Variants in ADAMTS12 observed in about 807,000 individuals in gnomAD.
The protein encoded by ADAMTS12 is ADAM metallopeptidase with thrombospondin type 1 motif 12, also known as A disintegrin and metalloproteinase with thrombospondin motifs 12.
A neutral mutation model predicts 167.8 loss-of-function variants in ADAMTS12; 118 were observed. The ratio of observed to expected loss-of-function variants is 0.70; its 90% CI spans 0.61 to 0.82. ADAMTS12 has a LOEUF of 0.82. Among genes scored for constraint, ADAMTS12 ranks in the 40% least tolerant of loss-of-function variants. The pLI is 0.00. For missense variants in ADAMTS12, 1,916 were observed against 1,998.8 expected (o/e 0.96, Z 0.79); for synonymous variants, 704 against 716.9 (o/e 0.98, Z 0.29).
chr5:33,559,716 A>G (rs1745646523), intron 20 of ADAMTS12, among the ~76,000 whole-genome samples: 1 of 152,134 alleles, frequency 6.6e-6, no homozygotes, highest in African/African-American at 2.4e-5. Flanking sequence ...CCCCATCTCT[A>G]CTAAAAATAC....
chr5:33,682,972 G>T, intron 5 of ADAMTS12, 46 bp downstream of exon 5: 1 of 1,514,268 alleles, frequency 6.6e-7, no homozygotes, highest in South Asian at 1.2e-5. Context: ...AAGAAGGTAG[G>T]AAGTGCGAGG....
At chr5:33,666,939 C>T (rs1400823233) in intron 5 of ADAMTS12, among the ~76,000 whole-genome samples, 1 of 152,196 alleles carries the variant, frequency 6.6e-6, no homozygotes, top group East Asian at 1.9e-4. Context: ...CACGTTATGG[C>T]TTATCAATCA....
At chr5:33,889,804 T>C (rs1376427383) in intron 1 of ADAMTS12, among the ~76,000 whole-genome samples, 1 of 151,936 alleles carries the variant, frequency 6.6e-6, no homozygotes, top group African/African-American at 2.4e-5. Context: ...ATACAAAAAT[T>C]AGCCGGGCAT....
At chr5:33,636,724 C>A (rs1579782816) in intron 12 of ADAMTS12, among the ~76,000 whole-genome samples, 1 of 152,268 alleles carries the variant, frequency 6.6e-6, no homozygotes, top group East Asian at 1.9e-4. Flanking sequence ...TTTTTACTAC[C>A]TTGCCTTAAA....
chr5:33,855,079 T>C (rs1749352037), intron 2 of ADAMTS12, among the ~76,000 whole-genome samples: 1 of 152,186 alleles, frequency 6.6e-6, no homozygotes, highest in African/African-American at 2.4e-5. Flanking sequence ...GTAGATTTCA[T>C]TCCTCAGCTA....
chr5:33,628,731 C>T (rs4866350), intron 13 of ADAMTS12, among the ~76,000 whole-genome samples: 22,716 of 151,880 alleles, frequency 0.15, 2,096 homozygotes, highest in East Asian at 0.36. Flanking sequence ...AAATAAGGAG[C>T]CTGGAATTAC....
At position 33,698,992 on chromosome 5, in the gene ADAMTS12, A is replaced by T. The variant is rs374601123; in HGVS notation, c.635-14937T>A. On this transcript the variant is annotated intron_variant, in intron 3 of 23. Transcript: ENST00000504830. ...GCCAACATGGTGAAACCCCGTCTCAACTAAAACTACAAAAATTAGCCAGGT... is the reference window on the plus strand; with the variant it reads ...GCCAACATGGTGAAACCCCGTCTCATCTAAAACTACAAAAATTAGCCAGGT... Among the ~76,000 whole-genome samples, 4 of 152,294 alleles carry T rather than the reference A, an allele frequency of 2.6e-5. No individual in the cohort carries two copies. The East Asian group carries it at 7.7e-4, about 29-fold the overall frequency.
intron 22 of ADAMTS12, among the ~76,000 whole-genome samples, chr5:33,536,846 C>T (rs1744438952): frequency 6.6e-6 from 1 of 152,190 alleles, no homozygotes; most frequent in Non-Finnish European, 1.5e-5. Flanking sequence ...GGGCCCAATT[C>T]TTACAGCATT....
At chr5:33,784,768 T>C (rs552081620) in intron 2 of ADAMTS12, among the ~76,000 whole-genome samples, 2 of 152,186 alleles carry the variant, frequency 1.3e-5, no homozygotes, top group East Asian at 3.9e-4. Flanking sequence ...CAAATTGATC[T>C]ATATATTCTA....
chr5:33,535,531 A>G (rs1744354367), intron 22 of ADAMTS12, among the ~76,000 whole-genome samples: 1 of 152,170 alleles, frequency 6.6e-6, no homozygotes, highest in Non-Finnish European at 1.5e-5. Flanking sequence ...GGTGAATGGA[A>G]TGAAGCATGT....
intron 3 of ADAMTS12, among the ~76,000 whole-genome samples, chr5:33,685,099 A>G (rs1163128027): frequency 6.6e-6 from 1 of 152,230 alleles, no homozygotes; most frequent in African/African-American, 2.4e-5. Flanking sequence ...GAAGATTCCT[A>G]TCAGGATCAC....
chr5:33,888,852 T>C (rs1038346068), intron 1 of ADAMTS12, among the ~76,000 whole-genome samples: 5 of 152,244 alleles, frequency 3.3e-5, no homozygotes, highest in Admixed American at 1.3e-4. Context: ...AGCACATTCC[T>C]ATATCACAAC....
chr5:33,642,973 G>A (rs10050883), intron 10 of ADAMTS12, among the ~76,000 whole-genome samples: 85,719 of 151,772 alleles, frequency 0.56, 24,837 homozygotes, highest in East Asian at 0.67. Context: ...AGATGAGAAA[G>A]AAGATGATAA....
intron 1 of ADAMTS12, among the ~76,000 whole-genome samples, chr5:33,885,176 T>A (rs1268716460): frequency 6.6e-6 from 1 of 152,196 alleles, no homozygotes; most frequent in African/African-American, 2.4e-5. Flanking sequence ...AGATGATATA[T>A]CAAAATAATT....
At chr5:33,649,459 G>A in intron 8 of ADAMTS12, 95 bp downstream of exon 8, 2 of 1,470,328 alleles carry the variant, frequency 1.4e-6, no homozygotes, top group East Asian at 2.3e-5. Context: ...ATGGAATCCA[G>A]CCTTTTCCAG....
chr5:33,678,754 TG>T (rs1742008403), intron 5 of ADAMTS12, among the ~76,000 whole-genome samples: 1 of 151,958 alleles, frequency 6.6e-6, no homozygotes, highest in Non-Finnish European at 1.5e-5. Context: ...GGAGAAAGGG[TG>T]GCAGGAGGGT....
At chr5:33,679,975 T>C (rs1180122185) in intron 5 of ADAMTS12, among the ~76,000 whole-genome samples, 5 of 152,240 alleles carry the variant, frequency 3.3e-5, no homozygotes, top group African/African-American at 9.6e-5. Flanking sequence ...GCTGGAATCA[T>C]TGCTGTCTGT....
chr5:33,818,824 C>A (rs1305158438), intron 2 of ADAMTS12, among the ~76,000 whole-genome samples: 1 of 151,960 alleles, frequency 6.6e-6, no homozygotes, highest in Non-Finnish European at 1.5e-5. Flanking sequence ...ATTTGCATTT[C>A]CTTGATGATT....
intron 2 of ADAMTS12, among the ~76,000 whole-genome samples, chr5:33,756,516 A>C (rs576064575): frequency 1.6e-4 from 25 of 152,354 alleles, no homozygotes; most frequent in Non-Finnish European, 2.6e-4. Flanking sequence ...CAAAATAATA[A>C]GTCAGCAGAA....
Sources: allele counts gnomAD v4.1 joint callset (sites outside exome capture counted in the v4.1 genomes callset), GRCh38; gene constraint gnomAD v4.1.1; transcripts MANE v1.5; gene names NCBI Gene and HGNC (gene_info 2026-07-23, HGNC 2026-07-21).